The following RBFOX1 variants were observed in gnomAD, a reference collection of about 807,000 sequenced individuals.
RBFOX1 encodes the protein RNA binding fox-1 homolog 1.
A neutral mutation model predicts 57.7 loss-of-function variants in RBFOX1; 8 were observed. The ratio of observed to expected loss-of-function variants is 0.14; its 90% CI spans 0.08 to 0.25. RBFOX1 has a LOEUF of 0.25. Ranked by LOEUF, RBFOX1 falls within the 10% of genes least tolerant of loss-of-function variation. The probability of loss-of-function intolerance (pLI) is 1.00; values close to 1 mark genes in which losing one functional copy is unlikely to be tolerated. For synonymous variants in RBFOX1, 326 were observed against 222.4 expected (o/e 1.47, Z -4.15); for missense variants, 611 against 548.5 (o/e 1.11, Z -1.14).
chr16:7,684,099 T>G (rs981815166), intron 14 of RBFOX1, among the ~76,000 whole-genome samples: 1 of 152,146 alleles, frequency 6.6e-6, no homozygotes, highest in Non-Finnish European at 1.5e-5. Context: ...GACTCTGTAC[T>G]TACCACAAGT....
At chr16:6,315,397 G>C (rs140135627) in intron 1 of RBFOX1, among the ~76,000 whole-genome samples, 1 of 151,460 alleles carries the variant, frequency 6.6e-6, no homozygotes, top group Non-Finnish European at 1.5e-5. Flanking sequence ...TGGATGGATC[G>C]ATGGGTCTAT....
intron 1 of RBFOX1, among the ~76,000 whole-genome samples, chr16:6,104,714 A>C (rs901085130): frequency 1.3e-5 from 2 of 152,208 alleles, no homozygotes; most frequent in African/African-American, 4.8e-5. Context: ...ACTGTAATAC[A>C]CTTTAGCCAA....
intron 1 of RBFOX1, among the ~76,000 whole-genome samples, chr16:5,280,105 T>C (rs1250850026): frequency 1.3e-5 from 2 of 152,356 alleles, no homozygotes; most frequent in East Asian, 3.9e-4. Flanking sequence ...TGTTGAAGTG[T>C]TCCTTGTATG....
intron 2 of RBFOX1, among the ~76,000 whole-genome samples, chr16:6,612,274 C>A (rs1001728703): frequency 6.6e-6 from 1 of 152,104 alleles, no homozygotes; most frequent in Non-Finnish European, 1.5e-5. Flanking sequence ...TTTGCATGAT[C>A]ACAACACATT....
intron 4 of RBFOX1, among the ~76,000 whole-genome samples, chr16:7,216,617 C>A (rs146278313): frequency 1.3e-5 from 2 of 152,068 alleles, no homozygotes; most frequent in East Asian, 1.9e-4. Context: ...CAGATCGTAC[C>A]GCTGTACTCC....
chr16:7,204,718 A>T (rs1567697039), intron 4 of RBFOX1, among the ~76,000 whole-genome samples: 1 of 152,108 alleles, frequency 6.6e-6, no homozygotes, highest in Non-Finnish European at 1.5e-5. Context: ...TTTTCCTTGT[A>T]TTTTTAGAGC....
At chr16:7,448,874 G>A (rs2098828744) in intron 4 of RBFOX1, among the ~76,000 whole-genome samples, 2 of 148,148 alleles carry the variant, frequency 1.3e-5, no homozygotes, top group African/African-American at 2.5e-5. Flanking sequence ...AAATACATCT[G>A]CAACAAATAA....
In RBFOX1 at chr16:6,631,584, G is replaced by A. The variant is rs577026684; in HGVS notation, c.-63-23019G>A. Among the ~76,000 whole-genome samples, 35 of 152,238 alleles carry A rather than the reference G, an allele frequency of 2.3e-4. No homozygotes were observed. The South Asian group carries it at 7.1e-3, about 31-fold the overall frequency. On this transcript the variant is annotated intron_variant, in intron 2 of 15. Transcript: ENST00000550418. ...GGAAAAAAGACAAAGGAAAGTCTCT[G>A]CTTTCATGGAGCTAAGAAGCTAGTT...
intron 4 of RBFOX1, among the ~76,000 whole-genome samples, chr16:7,182,429 G>C (rs1000707144): frequency 6.6e-6 from 1 of 152,082 alleles, no homozygotes; most frequent in Admixed American, 6.6e-5. Context: ...TTCTTGGCTC[G>C]AAAGTTCTTA....
chr16:5,967,865 G>C (rs560441164), intron 4 of RBFOX1, among the ~76,000 whole-genome samples: 1 of 152,238 alleles, frequency 6.6e-6, no homozygotes, highest in South Asian at 2.1e-4. Flanking sequence ...TTGCTTTGGG[G>C]ACTGGCTGTT....
chr16:6,093,822 G>GAGA (rs2096210095), intron 1 of RBFOX1, among the ~76,000 whole-genome samples: 1 of 151,436 alleles, frequency 6.6e-6, no homozygotes, highest in South Asian at 2.1e-4. Context: ...GTCTCACTGT[G>GAGA]TTGCCCAGGC....
At chr16:5,748,481 G>A (rs1430552223) in intron 3 of RBFOX1, among the ~76,000 whole-genome samples, 1 of 152,156 alleles carries the variant, frequency 6.6e-6, no homozygotes, top group Non-Finnish European at 1.5e-5. Context: ...GGGTGTTAAA[G>A]TCTCCCATTA....
chr16:6,611,101 A>G lies in RBFOX1; in HGVS notation c.-63-43502A>G, dbSNP rs147790393. On this transcript the variant is annotated intron_variant, in intron 2 of 15. Transcript: ENST00000550418. ...AAAAGCAGGAAACCAACAGGAACCC[A>G]TAAATGGTTGGAGATGACAAAGTGG... Among the ~76,000 whole-genome samples the G allele has an allele frequency of 5.9e-3, 903 of 152,302 alleles. 13 individuals carry two copies. Among genetic ancestry groups the G allele is most frequent in the African/African-American group, 0.02 (838 of 41,564 alleles).
intron 2 of RBFOX1, among the ~76,000 whole-genome samples, chr16:6,555,130 C>A (rs1442911045): frequency 6.6e-6 from 1 of 152,152 alleles, no homozygotes; most frequent in Non-Finnish European, 1.5e-5. Context: ...ATGTCTCATA[C>A]TTTTTATGTC....
At chr16:7,457,325 G>C (rs1252450745) in intron 4 of RBFOX1, among the ~76,000 whole-genome samples, 1 of 152,176 alleles carries the variant, frequency 6.6e-6, no homozygotes, top group Admixed American at 6.5e-5. Context: ...TGGGTGCTGG[G>C]CCTCCTGACA....
intron 1 of RBFOX1, chr16:5,366,576 A>G: frequency 2.6e-6 from 1 of 387,628 alleles, no homozygotes; most frequent in South Asian, 2.2e-5. Context: ...ATATAGAAAA[A>G]GGTGATTCTT....
chr16:7,165,798 G>A (rs1169888505), intron 4 of RBFOX1, among the ~76,000 whole-genome samples: 3 of 151,972 alleles, frequency 2.0e-5, no homozygotes, highest in African/African-American at 7.3e-5. Flanking sequence ...ATAGGGTGGG[G>A]ATGTTCATCT....
rs1028909285 is a variant in RBFOX1 at position 6,989,296 on chromosome 16, A to G, written c.-15-62761A>G. Among the ~76,000 whole-genome samples the G allele has an allele frequency of 4.6e-5, 7 of 152,234 alleles. No individual in the cohort carries two copies. In the East Asian group the frequency reaches 9.6e-4, roughly 21 times the overall value. The stretch of plus-strand genomic sequence containing the variant: ...CAGTATGGATCTGGATAATTTGTCT[A>G]TGAAGATATATTTACAATTATATGT... On this transcript the variant is annotated intron_variant, in intron 3 of 15. Coordinates refer to ENST00000550418, the MANE Select transcript of RBFOX1 (RefSeq NM_018723.4).
At chr16:7,199,701 C>G (rs9940885) in intron 4 of RBFOX1, among the ~76,000 whole-genome samples, 6,801 of 152,152 alleles carry the variant, frequency 0.045, 483 homozygotes, top group African/African-American at 0.16. Flanking sequence ...CAAGATCTGC[C>G]TTTGCCAACG....
Sources: allele counts gnomAD v4.1 joint callset (sites outside exome capture counted in the v4.1 genomes callset), GRCh38; gene constraint gnomAD v4.1.1; transcripts MANE v1.5; gene names NCBI Gene and HGNC (gene_info 2026-07-23, HGNC 2026-07-21).